Variants in PITPNM2 observed in about 807,000 individuals in gnomAD.
PITPNM2 encodes phosphatidylinositol transfer protein membrane associated 2, also known as membrane-associated phosphatidylinositol transfer protein 2.
PITPNM2 carries 35 observed loss-of-function variants against 132.2 expected under a neutral mutation model. The ratio of observed to expected loss-of-function variants is 0.26; its 90% confidence interval spans 0.20 to 0.35. PITPNM2 has a LOEUF of 0.35. Among genes scored for constraint, PITPNM2 ranks in the 10% least tolerant of loss-of-function variants. PITPNM2 has a pLI of 1.00. For synonymous variants in PITPNM2, 738 were observed against 799.2 expected (o/e 0.92, Z 1.29); for missense variants, 1,332 against 1,912.0 (o/e 0.70, Z 5.66).
At chr12:123,132,286 C>T (rs1396434912) in intron 1 of PITPNM2, among the ~76,000 whole-genome samples, 1 of 152,216 alleles carries the variant, frequency 6.6e-6, no homozygotes, top group Admixed American at 6.5e-5. Flanking sequence ...CTGCCAGGAA[C>T]ACCCACCTCC....
chr12:123,144,178 T>C (rs552631138), intron 1 of PITPNM2, among the ~76,000 whole-genome samples: 1 of 152,326 alleles, frequency 6.6e-6, no homozygotes, highest in East Asian at 1.9e-4. Context: ...GCTCTCCTAA[T>C]GGAAACACGT....
chr12:123,062,390 C>T (rs1040615573), intron 2 of PITPNM2, among the ~76,000 whole-genome samples: 3 of 152,100 alleles, frequency 2.0e-5, no homozygotes, highest in South Asian at 4.1e-4. Context: ...ATATCTAACC[C>T]CTGGGCACTG....
intron 2 of PITPNM2, among the ~76,000 whole-genome samples, chr12:123,057,521 C>T (rs1464407300): frequency 6.6e-6 from 1 of 152,106 alleles, no homozygotes; most frequent in African/African-American, 2.4e-5. Context: ...CAAGTATTTA[C>T]AAAGTGCCGT....
chr12:122,987,758 T>G, intron 21 of PITPNM2, 27 bp downstream of exon 21: 1 of 1,613,484 alleles, frequency 6.2e-7, no homozygotes, highest in Non-Finnish European at 8.5e-7. Flanking sequence ...AGTCCCTCCA[T>G]GTTACCCCTA....
chr12:123,020,674 G>A lies in PITPNM2; in HGVS notation c.79-6632C>T, dbSNP rs2136319131. Among the ~76,000 whole-genome samples, 2 of 152,224 alleles carry A rather than the reference G, an allele frequency of 1.3e-5. 1 individual carries two copies. On this transcript the variant is annotated intron_variant, in intron 3 of 25. Coordinates refer to ENST00000320201, the MANE Select transcript of PITPNM2 (RefSeq NM_020845.3). ...AGGTACTTAGCGGCTTTATGAACAT[G>A]AAATCTTGGTAGCTGAGGGCAAAGG...
chr12:123,127,685 C>T (rs952171015), intron 1 of PITPNM2, among the ~76,000 whole-genome samples: 8 of 151,348 alleles, frequency 5.3e-5, no homozygotes, highest in African/African-American at 9.7e-5. Context: ...TCTCGGCTCA[C>T]GGCAACCTCT....
chr12:123,027,022 G>A (rs2039887149), intron 3 of PITPNM2, among the ~76,000 whole-genome samples: 1 of 152,160 alleles, frequency 6.6e-6, no homozygotes, highest in Non-Finnish European at 1.5e-5. Flanking sequence ...TTCTGGGGGG[G>A]ACACTGGTCA....
intron 2 of PITPNM2, among the ~76,000 whole-genome samples, chr12:123,038,870 C>T (rs1396321546): frequency 6.6e-6 from 1 of 152,186 alleles, no homozygotes; most frequent in Non-Finnish European, 1.5e-5. Context: ...GAAACCAAGG[C>T]AGGAGGATTA....
chr12:123,016,562 G>A (rs746594555), intron 3 of PITPNM2, among the ~76,000 whole-genome samples: 8 of 148,908 alleles, frequency 5.4e-5, no homozygotes, highest in African/African-American at 7.4e-5. Context: ...TGATCCGCTC[G>A]CCTCGGCCTA....
chr12:123,067,284 C>T (rs1366120751), intron 2 of PITPNM2, among the ~76,000 whole-genome samples: 3 of 152,062 alleles, frequency 2.0e-5, no homozygotes, highest in Non-Finnish European at 2.9e-5. Flanking sequence ...GGTGAAACCC[C>T]GTCTCTACCA....
intron 1 of PITPNM2, among the ~76,000 whole-genome samples, chr12:123,113,868 C>A (rs938529287): frequency 1.3e-5 from 2 of 152,206 alleles, no homozygotes; most frequent in Admixed American, 6.5e-5. Flanking sequence ...CTCCTCCCTG[C>A]CCCTGGCAAC....
In PITPNM2 at chr12:123,129,281, T is replaced by C. The variant is rs1457432868; in HGVS notation, c.-199-18793A>G. Among the ~76,000 whole-genome samples the C allele has an allele frequency of 3.3e-5, 5 of 151,062 alleles. No individual in the cohort carries two copies. In the East Asian group the frequency reaches 9.9e-4, roughly 30 times the overall value. On this transcript the variant is annotated intron_variant, in intron 1 of 25. Coordinates refer to ENST00000320201, the MANE Select transcript of PITPNM2 (RefSeq NM_020845.3). Reference sequence around the variant, plus strand: ...GAGTCCTGTCTCTAAAAAAATTAAATGGATAGGCCGGGCGTGGTGGCTCAC... The same window carrying C: ...GAGTCCTGTCTCTAAAAAAATTAAACGGATAGGCCGGGCGTGGTGGCTCAC...
chr12:123,145,851 C>T (rs1034089901), intron 1 of PITPNM2, among the ~76,000 whole-genome samples: 5 of 152,134 alleles, frequency 3.3e-5, no homozygotes, highest in South Asian at 2.1e-4. Flanking sequence ...TACAGGCACA[C>T]GTATGTTCAT....
intron 2 of PITPNM2, chr12:123,075,968 G>A (rs1040279890): frequency 6.6e-6 from 1 of 152,282 alleles, no homozygotes; most frequent in Admixed American, 6.5e-5. Context: ...CAGCAGCAAC[G>A]GCAGGGCCGG....
At chr12:123,113,332 T>C (rs1260494124) in intron 1 of PITPNM2, among the ~76,000 whole-genome samples, 3 of 152,208 alleles carry the variant, frequency 2.0e-5, no homozygotes, top group African/African-American at 7.2e-5. Flanking sequence ...CAACAGACCA[T>C]GCATGGCCTT....
At chr12:123,148,619 A>G (rs1477048020) in intron 1 of PITPNM2, among the ~76,000 whole-genome samples, 1 of 152,040 alleles carries the variant, frequency 6.6e-6, no homozygotes, top group Non-Finnish European at 1.5e-5. Flanking sequence ...GGGTCCCCAT[A>G]ACAGAGAATG....
rs568988657 is a variant in PITPNM2 at position 123,003,318 on chromosome 12, C to T, written c.1048+1076G>A. Among the ~76,000 whole-genome samples the T allele has an allele frequency of 1.6e-4, 24 of 152,320 alleles. 1 individual carries two copies. The South Asian group carries it at 3.9e-3, about 25-fold the overall frequency. ...GGATGGGCTCCTGGGCCCATTTCCC[C>T]AGGACACCGCTGTCCTGGCACTTCC... On this transcript the variant is annotated intron_variant, in intron 8 of 25. Transcript: ENST00000320201.
chr12:123,033,402 C>G (rs930007501), intron 3 of PITPNM2, among the ~76,000 whole-genome samples: 5 of 152,192 alleles, frequency 3.3e-5, no homozygotes, highest in African/African-American at 1.2e-4. Flanking sequence ...GAGCAGTGGT[C>G]CCATCTGGGG....
Position 122,997,544 on chromosome 12 carries a change from G to C in PITPNM2, c.1253C>G (p.Pro418Arg), listed in dbSNP as rs779767333. 2 of 1,612,250 alleles carry C rather than the reference G, an allele frequency of 1.2e-6. No homozygotes were observed. Among genetic ancestry groups the C allele is most frequent in the African/African-American group, 2.7e-5 (2 of 74,888 alleles). The change falls in exon 11 of 26, where the codon CCG (proline) becomes CGG (arginine). Residue 418 changes from proline (P) to arginine (R), a missense_variant. Physicochemically the swap from Pro to Arg is moderately radical, Grantham distance 103. Transcript: ENST00000320201. ...TAGCAGCACGTGGATCTTGGAGGGC[G>C]GTGCAGCCAGCGGCTGGCTAACCTC... ...EDEVSQPLAA[P>R]PSKIHVLLLV...
Sources: allele counts gnomAD v4.1 joint callset (sites outside exome capture counted in the v4.1 genomes callset), GRCh38; gene constraint gnomAD v4.1.1; transcripts MANE v1.5; gene names NCBI Gene and HGNC (gene_info 2026-07-23, HGNC 2026-07-21).